The following TAB2 variants were observed in gnomAD, a reference collection of about 807,000 sequenced individuals.
TAB2 encodes TGF-beta-activated kinase 1 and MAP3K7-binding protein 2.
TAB2 carries 3 observed loss-of-function variants against 65.0 expected under a neutral mutation model. The observed-to-expected ratio is 0.05, with a 90% CI of 0.02 to 0.12. The LOEUF is 0.12. Ranked by LOEUF, TAB2 falls within the 10% of genes least tolerant of loss-of-function variation. The pLI, the probability that TAB2 is intolerant of heterozygous loss-of-function variation, is 1.00. For synonymous variants in TAB2, 298 were observed against 285.1 expected (o/e 1.05, Z -0.46); for missense variants, 623 against 840.3 (o/e 0.74, Z 3.20).
chr6:149,371,655 CAG>C (rs1424092669), intron 2 of TAB2, among the ~76,000 whole-genome samples: 3 of 152,150 alleles, frequency 2.0e-5, no homozygotes, highest in African/African-American at 4.8e-5. Flanking sequence ...AAAAACTACA[CAG>C]AGAGTTAAAT....
At chr6:149,360,944 A>C (rs146466947) in intron 1 of TAB2, among the ~76,000 whole-genome samples, 12 of 152,264 alleles carry the variant, frequency 7.9e-5, no homozygotes, top group South Asian at 2.1e-4. Context: ...GCTCCAAAAT[A>C]ATCTCCTTTG....
intron 1 of TAB2, among the ~76,000 whole-genome samples, chr6:149,356,973 G>A (rs1347485066): frequency 5.9e-5 from 9 of 152,056 alleles, no homozygotes; most frequent in Admixed American, 3.9e-4. Flanking sequence ...AGAGCATATC[G>A]TATTTTTTAC....
At chr6:149,272,192 T>C (rs970067321) in intron 1 of TAB2, among the ~76,000 whole-genome samples, 1 of 152,156 alleles carries the variant, frequency 6.6e-6, no homozygotes, top group African/African-American at 2.4e-5. Context: ...TAGAGGAGTG[T>C]TTCTCATGCA....
At chr6:149,301,434 AG>A (rs1304189384) in intron 1 of TAB2, among the ~76,000 whole-genome samples, 2 of 152,238 alleles carry the variant, frequency 1.3e-5, no homozygotes, top group South Asian at 4.1e-4. Context: ...CTTCATATAT[AG>A]ATTACATTTT....
In TAB2 at chr6:149,397,030, T is replaced by C. The variant is rs1351159639; in HGVS notation, c.1604-574T>C. Reference sequence around the variant, plus strand: ...GGTTAACTGAAAAGACGAAAACCTTTAGAGAAGCTGTAGCCTAAAAATGCT... The same window carrying C: ...GGTTAACTGAAAAGACGAAAACCTTCAGAGAAGCTGTAGCCTAAAAATGCT... On this transcript the variant is annotated intron_variant, in intron 3 of 6. Transcript: ENST00000637181. Among the ~76,000 whole-genome samples the C allele has an allele frequency of 6.6e-5, 10 of 152,358 alleles. No homozygotes were observed. The East Asian group carries it at 1.9e-3, about 29-fold the overall frequency.
chr6:149,303,607 C>A (rs2114705383), intron 1 of TAB2, among the ~76,000 whole-genome samples: 1 of 152,136 alleles, frequency 6.6e-6, no homozygotes. Flanking sequence ...TTTTTACTTG[C>A]CTGTATTTTC....
At chr6:149,396,814 T>C (rs1360805602) in intron 3 of TAB2, among the ~76,000 whole-genome samples, 1 of 152,220 alleles carries the variant, frequency 6.6e-6, no homozygotes, top group Non-Finnish European at 1.5e-5. Flanking sequence ...ATGTTAACAT[T>C]TATGTGGAGT....
At chr6:149,317,065 C>A (rs563452445), upstream of TAB2, among the ~76,000 whole-genome samples, 1,504 of 150,516 alleles carry the variant, frequency 1.0e-2, 24 homozygotes, top group African/African-American at 0.035. This position sits in a 1 kb window ranked among gnomAD's most constrained non-coding sequence, Gnocchi z 4.7. Context: ...CGGACCCCAC[C>A]CGCGCGGCGC....
intron 1 of TAB2, among the ~76,000 whole-genome samples, chr6:149,311,342 G>T (rs1779163020): frequency 6.6e-6 from 1 of 152,112 alleles, no homozygotes; most frequent in Non-Finnish European, 1.5e-5. Context: ...AGGTTCATCT[G>T]GAATATCACC....
chr6:149,301,428 A>C (rs963037480), intron 1 of TAB2, among the ~76,000 whole-genome samples: 7 of 152,232 alleles, frequency 4.6e-5, no homozygotes, highest in Admixed American at 2.6e-4. Context: ...TGAAGCCTTC[A>C]TATATAGATT....
intron 1 of TAB2, among the ~76,000 whole-genome samples, chr6:149,318,303 G>C (rs1284542299): frequency 6.6e-6 from 1 of 151,318 alleles, no homozygotes; most frequent in Non-Finnish European, 1.5e-5. Flanking sequence ...CATTGGAATC[G>C]AGCGCCTAGG....
intron 1 of TAB2, among the ~76,000 whole-genome samples, chr6:149,234,148 A>C (rs556528943): frequency 2.0e-5 from 3 of 152,320 alleles, no homozygotes; most frequent in African/African-American, 2.4e-5. Flanking sequence ...CCTAGTATGA[A>C]GTTTTCACAT....
chr6:149,320,472 C>G (rs1779406373), intron 1 of TAB2, among the ~76,000 whole-genome samples: 1 of 152,204 alleles, frequency 6.6e-6, no homozygotes, highest in Middle Eastern at 3.4e-3. Flanking sequence ...TGTGTCTTGG[C>G]AGAAATAGAA....
chr6:149,247,046 T>A (rs982633258), intron 1 of TAB2: 6 of 152,900 alleles, frequency 3.9e-5, no homozygotes, highest in African/African-American at 1.2e-4. Context: ...CCCAGCCGCC[T>A]CCCTTGCAGT....
At chr6:149,260,278 A>T (rs749979378) in intron 1 of TAB2, among the ~76,000 whole-genome samples, 2 of 152,188 alleles carry the variant, frequency 1.3e-5, no homozygotes, top group Non-Finnish European at 2.9e-5. Flanking sequence ...AGGTGACCGT[A>T]ACATCCAAGA....
At chr6:149,271,350 T>C (rs567453534) in intron 1 of TAB2, among the ~76,000 whole-genome samples, 57 of 152,206 alleles carry the variant, frequency 3.7e-4, no homozygotes, top group Middle Eastern at 3.2e-3. Flanking sequence ...TGCTAGTACA[T>C]AACTTAATCT....
chr6:149,318,615 G>A (rs1779337578), intron 1 of TAB2: 1 of 152,196 alleles, frequency 6.6e-6, no homozygotes, highest in African/African-American at 2.4e-5. Flanking sequence ...AATTTCACTG[G>A]ATGTTTCTGG....
At position 149,317,885 on chromosome 6, in the gene TAB2, G is replaced by A. The variant is rs1583082545; in HGVS notation, c.-220G>A. The stretch of plus-strand genomic sequence containing the variant: ...GGCTGAGGTGTCCCCCCTGCCGGGT[G>A]GAACCGGAGGCGGCGGCGGCGCTGG... On this transcript the variant is annotated 5_prime_UTR_variant, in exon 1 of 7. Transcript: ENST00000637181. This position sits in a 1 kb window ranked among gnomAD's most constrained non-coding sequence, Gnocchi z 4.7. The A allele has an allele frequency of 1.7e-5, 3 of 172,230 alleles. No individual in the cohort carries two copies. In the South Asian group the frequency reaches 3.0e-4, roughly 17 times the overall value. The allele number at this position is 172,230 out of a possible 1,614,324, so 10.7% of individuals were successfully genotyped here.
At position 149,324,099 on chromosome 6, in the gene TAB2, T is replaced by G. The variant is rs1779530167; in HGVS notation, c.-90+6084T>G. Reference sequence around the variant, plus strand: ...ATTGCCTTGTTAAAAGAAAATGGAATTCTTGTTTCACTTAAGAAGAAAAAC... The same window carrying G: ...ATTGCCTTGTTAAAAGAAAATGGAAGTCTTGTTTCACTTAAGAAGAAAAAC... On this transcript the variant is annotated intron_variant, in intron 1 of 6. Coordinates refer to ENST00000637181, the MANE Select transcript of TAB2 (RefSeq NM_001292034.3). Among the ~76,000 whole-genome samples the G allele has an allele frequency of 2.0e-5, 3 of 152,094 alleles. No homozygotes were observed. The South Asian group carries it at 6.2e-4, about 31-fold the overall frequency.
Sources: allele counts gnomAD v4.1 joint callset (sites outside exome capture counted in the v4.1 genomes callset), GRCh38; gene constraint gnomAD v4.1.1; non-coding constraint Gnocchi (gnomAD v3.1); transcripts MANE v1.5; gene names NCBI Gene and HGNC (gene_info 2026-07-23, HGNC 2026-07-21).